The following ARID5B variants were observed in gnomAD, a reference collection of about 807,000 sequenced individuals.
ARID5B encodes the protein AT-rich interactive domain-containing protein 5B.
ARID5B carries 13 observed loss-of-function variants against 97.2 expected under a neutral mutation model. The ratio of observed to expected loss-of-function variants is 0.13; its 90% confidence interval spans 0.09 to 0.21. The LOEUF is 0.21. Ranked by LOEUF, ARID5B falls within the 10% of genes least tolerant of loss-of-function variation. The pLI is 1.00. For missense variants in ARID5B, 1,210 were observed against 1,465.3 expected (o/e 0.83, Z 2.84); for synonymous variants, 556 against 570.3 (o/e 0.97, Z 0.36).
intron 1 of ARID5B, 99 bp from the exon 2 acceptor site, chr10:61,902,060 A>T: frequency 7.0e-7 from 1 of 1,430,102 alleles, no homozygotes; most frequent in Non-Finnish European, 9.6e-7. Context: ...GGTCGTCTGT[A>T]TTAAGAGAGT....
At chr10:61,914,825 T>C (rs1843872171) in intron 2 of ARID5B, among the ~76,000 whole-genome samples, 1 of 152,236 alleles carries the variant, frequency 6.6e-6, no homozygotes, top group African/African-American at 2.4e-5. Flanking sequence ...TTGTAGGTGA[T>C]GCAGCTGAGG....
At chr10:61,962,931 T>C (rs1055451121) in intron 3 of ARID5B, among the ~76,000 whole-genome samples, 1 of 152,192 alleles carries the variant, frequency 6.6e-6, no homozygotes, top group Non-Finnish European at 1.5e-5. Context: ...GAAACTGCAG[T>C]GGTTTTTAAT....
chr10:61,966,653 A>G (rs1437471864), intron 3 of ARID5B, among the ~76,000 whole-genome samples: 1 of 152,156 alleles, frequency 6.6e-6, no homozygotes, highest in Non-Finnish European at 1.5e-5. Flanking sequence ...TGAGGGTATA[A>G]ACTCTTATCC....
At chr10:61,978,763 G>C (rs1306206844) in intron 3 of ARID5B, among the ~76,000 whole-genome samples, 1 of 152,210 alleles carries the variant, frequency 6.6e-6, no homozygotes, top group Non-Finnish European at 1.5e-5. Flanking sequence ...ATTTTGGGCT[G>C]AGACGATGGG....
intron 3 of ARID5B, among the ~76,000 whole-genome samples, chr10:61,992,177 C>T (rs918720129): frequency 2.6e-5 from 4 of 152,190 alleles, no homozygotes; most frequent in Non-Finnish European, 5.9e-5. Context: ...CATGAAGTCT[C>T]ACCTGTTGCA....
chr10:61,983,349 T>C (rs977822307), intron 3 of ARID5B, among the ~76,000 whole-genome samples: 3 of 152,232 alleles, frequency 2.0e-5, no homozygotes, highest in Non-Finnish European at 4.4e-5. Flanking sequence ...GAAAGAGTAG[T>C]GATTTTCTTA....
intron 2 of ARID5B, among the ~76,000 whole-genome samples, chr10:61,910,719 GGCATCAATCTCTC>G (rs1843787972): frequency 6.6e-6 from 1 of 152,156 alleles, no homozygotes; most frequent in Non-Finnish European, 1.5e-5. Context: ...TCATGCTAAT[GGCATCAATCTCTC>G]GCACACACTT....
rs761256488 is a variant in ARID5B, at chr10:62,090,959, G to A, written c.1496G>A (p.Gly499Glu). Residue 499 changes from glycine (G) to glutamate (E), a missense_variant, in exon 10 of 10, where the codon GGG (glycine) becomes GAG (glutamate). Around this residue, in one of 8 missense-constraint regions of ARID5B, gnomAD observed 800 missense variants for 839.1 expected, o/e 0.95. Transcript: ENST00000279873. Reference protein sequence around the residue: ...PAADMKKKIEGYQEFSAKPLA... With the variant: ...PAADMKKKIEEYQEFSAKPLA... ...GCAGACATGAAGAAAAAAATAGAAG[G>A]GTATCAGGAATTTTCAGCGAAGCCC... 1.2e-6 allele frequency: 2 copies of A among 1,613,990 alleles called. No individual in the cohort carries two copies. The highest frequency in any genetic ancestry group is 1.3e-5 in the African/African-American group (1 of 74,910).
At chr10:62,019,566 C>T (rs992050354) in intron 4 of ARID5B, among the ~76,000 whole-genome samples, 20 of 152,090 alleles carry the variant, frequency 1.3e-4, no homozygotes, top group African/African-American at 1.7e-4. Context: ...GTTATTAGGC[C>T]GCCGGAGATA....
At chr10:62,088,636 C>A (rs1232628858) in intron 9 of ARID5B, among the ~76,000 whole-genome samples, 1 of 152,232 alleles carries the variant, frequency 6.6e-6, no homozygotes, top group Non-Finnish European at 1.5e-5. Context: ...CTCATGGAAT[C>A]TTCCACCCTC....
chr10:62,066,242 T>A (rs1168857731), intron 7 of ARID5B, among the ~76,000 whole-genome samples: 1 of 152,200 alleles, frequency 6.6e-6, no homozygotes, highest in Non-Finnish European at 1.5e-5. Context: ...AGACCCATCA[T>A]GTGTTTGGAC....
chr10:61,943,049 G>A (rs1844440303), intron 3 of ARID5B, among the ~76,000 whole-genome samples: 1 of 152,118 alleles, frequency 6.6e-6, no homozygotes. Flanking sequence ...TGAACTGTGG[G>A]GAATTTGAGA....
intron 2 of ARID5B, among the ~76,000 whole-genome samples, chr10:61,929,455 A>G (rs1479502806): frequency 1.3e-5 from 2 of 152,218 alleles, no homozygotes; most frequent in Non-Finnish European, 2.9e-5. Context: ...CAGTATGATA[A>G]GAAAAGTTCA....
intron 8 of ARID5B, among the ~76,000 whole-genome samples, chr10:62,084,887 T>C (rs1188098539): frequency 6.6e-6 from 1 of 152,142 alleles, no homozygotes; most frequent in African/African-American, 2.4e-5. Context: ...GCTGGGGCGG[T>C]CTTTTACTTA....
chr10:61,926,632 CAG>C (rs1445682587), intron 2 of ARID5B, among the ~76,000 whole-genome samples: 3 of 151,876 alleles, frequency 2.0e-5, no homozygotes, highest in African/African-American at 7.3e-5. Flanking sequence ...TTTTTTGAGA[CAG>C]AGTCTCGCTC....
At chr10:61,942,344 G>T (rs1844424654) in intron 3 of ARID5B, among the ~76,000 whole-genome samples, 1 of 152,188 alleles carries the variant, frequency 6.6e-6, no homozygotes, top group African/African-American at 2.4e-5. Flanking sequence ...CTTGCAGGTG[G>T]TTTGGCCTGG....
chr10:61,932,675 ACGAAAGAT>A (rs1844232248), intron 2 of ARID5B, among the ~76,000 whole-genome samples: 1 of 152,034 alleles, frequency 6.6e-6, no homozygotes, highest in Non-Finnish European at 1.5e-5. Flanking sequence ...ACTTCATTTC[ACGAAAGAT>A]TACTCTGTAG....
intron 3 of ARID5B, among the ~76,000 whole-genome samples, chr10:61,965,802 A>C (rs1461106876): frequency 6.6e-6 from 1 of 152,210 alleles, no homozygotes; most frequent in African/African-American, 2.4e-5. Flanking sequence ...ATTGATGTTA[A>C]AATTAGATTT....
intron 3 of ARID5B, among the ~76,000 whole-genome samples, chr10:61,974,813 T>C (rs1838677886): frequency 6.6e-6 from 1 of 152,116 alleles, no homozygotes; most frequent in African/African-American, 2.4e-5. Context: ...TGAGTTGAAA[T>C]AGCAGAAAGT....
Sources: allele counts gnomAD v4.1 joint callset (sites outside exome capture counted in the v4.1 genomes callset), GRCh38; gene constraint gnomAD v4.1.1; regional missense constraint gnomAD v4.1.1; transcripts MANE v1.5; gene names NCBI Gene and HGNC (gene_info 2026-07-23, HGNC 2026-07-21).